KEAP1: variants seen among roughly 807,000 people sequenced by gnomAD.
KEAP1 encodes the protein kelch like ECH associated protein 1, also known as kelch-like ECH-associated protein 1.
Under a neutral mutation model 59.7 loss-of-function variants are expected in KEAP1, and 26 were observed. The ratio of observed to expected loss-of-function variants is 0.44; its 90% CI spans 0.32 to 0.60. The LOEUF (loss-of-function observed/expected upper bound fraction) is 0.60. KEAP1 is among the 20% of genes least tolerant of loss of function. The probability of loss-of-function intolerance (pLI) is 0.06; values close to 1 mark genes in which losing one functional copy is unlikely to be tolerated. For synonymous variants in KEAP1, 350 were observed against 358.3 expected, an observed-to-expected ratio of 0.98 and a Z score of 0.26; for missense variants, 539 against 871.4, an observed-to-expected ratio of 0.62 and a Z score of 4.80.
In KEAP1 at chr19:10,502,749, C is replaced by A. The variant is rs1249952682; in HGVS notation, c.-48+492G>T. 1 of 152,064 alleles carries A rather than the reference C, an allele frequency of 6.6e-6. No individual in the cohort carries two copies. The highest frequency in any genetic ancestry group is 1.5e-5 in the Non-Finnish European group (1 of 68,012). 9.4% of individuals were successfully genotyped at this position (152,064 alleles called of 1,614,324 possible). Reference sequence around the variant, plus strand: ...CTCCACCGCCCGAGCCCCGGCGCCTCCATCGCTGCGCGTGGGGGAGGCGCG... The same window carrying A: ...CTCCACCGCCCGAGCCCCGGCGCCTACATCGCTGCGCGTGGGGGAGGCGCG... On this transcript the variant is annotated intron_variant, in intron 1 of 5. Transcript: ENST00000171111. This position sits in a 1 kb window ranked among gnomAD's most constrained non-coding sequence, Gnocchi z 4.0.
chr19:10,487,254 G>A (rs1369851823), intron 5 of KEAP1, among the ~76,000 whole-genome samples: 1 of 152,106 alleles, frequency 6.6e-6, no homozygotes, highest in Non-Finnish European at 1.5e-5. Flanking sequence ...GCTGAGGTGG[G>A]GAGGATCAGT....
chr19:10,489,014 G>C (rs1315966005), intron 5 of KEAP1, among the ~76,000 whole-genome samples, 178 bp downstream of exon 5: 1 of 149,434 alleles, frequency 6.7e-6, no homozygotes, highest in Non-Finnish European at 1.5e-5. Flanking sequence ...AGGATGGCTG[G>C]AGCCCAGGCT....
In KEAP1 at chr19:10,499,471, G is replaced by C. The variant is rs780645001; in HGVS notation, c.563C>G (p.Ala188Gly). Residue 188 changes from alanine (A) to glycine (G), a missense_variant, in exon 2 of 6, where the codon GCC becomes GGC. Physicochemically the swap from Ala to Gly is moderately conservative, Grantham distance 60 (BLOSUM62 0). Transcript: ENST00000171111. The surrounding 1 kb of genome is among the most constrained non-coding windows in gnomAD (Gnocchi z 6.7). Reference protein sequence around the residue: ...QLDPSNAIGIANFAEQIGCVE... With the variant: ...QLDPSNAIGIGNFAEQIGCVE... ...ACAGCCAATCTGCTCAGCGAAGTTGGCGATGCCGATGGCATTGCTGGGGTC... is the reference window on the plus strand; with the variant it reads ...ACAGCCAATCTGCTCAGCGAAGTTGCCGATGCCGATGGCATTGCTGGGGTC... 5 of 1,614,142 alleles carry C rather than the reference G, an allele frequency of 3.1e-6. No homozygotes were observed. The highest frequency in any genetic ancestry group is 4.2e-6 in the Non-Finnish European group (5 of 1,180,036).
chr19:10,493,992 A>G (rs1914766207), intron 2 of KEAP1, among the ~76,000 whole-genome samples: 1 of 151,826 alleles, frequency 6.6e-6, no homozygotes, highest in South Asian at 2.1e-4. Context: ...CCTAGGCTGT[A>G]GTGCAGTGGC....
chr19:10,500,118 G>A (rs2144632453), intron 1 of KEAP1, 38 bp from the exon 2 acceptor site: 1 of 1,418,640 alleles, frequency 7.0e-7, no homozygotes, highest in African/African-American at 1.4e-5. Flanking sequence ...GGCAGGGGTT[G>A]GGACTGGGCC....
chr19:10,493,161 ATTTT>A (rs35058318), intron 2 of KEAP1, among the ~76,000 whole-genome samples: 1 of 129,086 alleles, frequency 7.7e-6, no homozygotes, highest in Non-Finnish European at 1.7e-5. Flanking sequence ...AGAGCAGCTA[ATTTT>A]TTTTTTTTTT....
Position 10,486,495 on chromosome 19 carries a change from T to C in KEAP1, c.*157A>G. 1 of 764,196 alleles carries C rather than the reference T, an allele frequency of 1.3e-6. No individual in the cohort carries two copies. Among genetic ancestry groups the C allele is most frequent in the Non-Finnish European group, 2.2e-6 (1 of 459,994 alleles). 47.3% of individuals were successfully genotyped at this position (764,196 alleles called of 1,614,324 possible). On this transcript the variant is annotated 3_prime_UTR_variant, in exon 6 of 6. Transcript: ENST00000171111. ...GGGGCACATGATTCCCGCTTTGGACTTCTTTTGAGATGTCATTTTAACACT... is the reference window on the plus strand; with the variant it reads ...GGGGCACATGATTCCCGCTTTGGACCTCTTTTGAGATGTCATTTTAACACT...
At chr19:10,489,094 TAA>T (rs33966407) in intron 5 of KEAP1, 96 bp downstream of exon 5, 96,430 of 416,862 alleles carry the variant, frequency 0.23, 4,149 homozygotes, top group African/African-American at 0.33. Flanking sequence ...ACCTTGTTTC[TAA>T]AAAAAAAAAA....
At chr19:10,492,668 T>C (rs1914714713) in intron 2 of KEAP1, 1 of 191,390 alleles carries the variant, frequency 5.2e-6, no homozygotes, top group Admixed American at 5.6e-5. Context: ...GAGGTTGCAG[T>C]GAGCCGATAT....
Position 10,491,681 on chromosome 19 carries a change from G to A in KEAP1, c.1221C>T (p.Ala407=), listed in dbSNP as rs769316486. ...TGCGGTTACGGGGCACGCTCATGGG[G>A]GCGCAGGGCGACCACTGATTGGTCA... ...NPMTNQWSPC[A]PMSVPRNRIG... Residue 407 remains alanine, a synonymous_variant, in exon 3 of 6, where the codon GCC becomes GCT. Transcript: ENST00000171111. This position sits in a 1 kb window ranked among gnomAD's most constrained non-coding sequence, Gnocchi z 5.2. 1.1e-5 allele frequency: 18 copies of A among 1,578,974 alleles called. No homozygotes were observed. Among genetic ancestry groups the A allele is most frequent in the Non-Finnish European group, 1.5e-5 (18 of 1,163,374 alleles).
At position 10,489,257 on chromosome 19, in the gene KEAP1, G is replaced by A. The variant is rs763864605; in HGVS notation, c.1643C>T (p.Ala548Val). 2.5e-6 allele frequency: 4 copies of A among 1,613,144 alleles called. No homozygotes were observed. In the South Asian group the frequency reaches 4.4e-5, roughly 18 times the overall value. The change falls in exon 5 of 6, where the codon GCC (alanine) becomes GTC (valine). Residue 548 changes from alanine to valine, a missense_variant. Around this residue, in one of 4 missense-constraint regions of KEAP1, gnomAD observed 311 missense variants for 425.2 expected, o/e 0.73. Transcript: ENST00000171111. ...GGCACTTCGCCGGTGCTTCATGGGGGCTACGAAAGTCCACGTCTCTGTTTC... is the reference window on the plus strand; with the variant it reads ...GGCACTTCGCCGGTGCTTCATGGGGACTACGAAAGTCCACGTCTCTGTTTC... Reference protein sequence around the residue: ...DVETETWTFVAPMKHRRSALG... With the variant: ...DVETETWTFVVPMKHRRSALG...
chr19:10,500,207 A>G, intron 1 of KEAP1, 127 bp from the exon 2 acceptor site: 3 of 692,982 alleles, frequency 4.3e-6, no homozygotes, highest in Non-Finnish European at 7.0e-6. Context: ...AGCAGAATCC[A>G]TTTGCAAACT....
chr19:10,488,296 A>G, intron 5 of KEAP1, among the ~76,000 whole-genome samples: 1 of 152,052 alleles, frequency 6.6e-6, no homozygotes, highest in South Asian at 2.1e-4. Context: ...TCAAAAAAAT[A>G]AAATAAAATA....
At chr19:10,490,690 C>A (rs1356882071) in intron 3 of KEAP1, 1 of 152,124 alleles carries the variant, frequency 6.6e-6, no homozygotes, top group African/African-American at 2.4e-5. Context: ...AGGTGCACAC[C>A]ACCGTGCCCA....
intron 2 of KEAP1, 65 bp from the exon 3 acceptor site, chr19:10,492,327 C>T (rs1914703451): frequency 1.6e-6 from 2 of 1,262,120 alleles, no homozygotes; most frequent in Non-Finnish European, 2.3e-6. Flanking sequence ...CAAGCAGGAC[C>T]GGGACAAGTA....
rs972434752 is a variant in KEAP1 at position 10,501,573 on chromosome 19, T to G, written c.-47-1493A>C. 2.7e-5 allele frequency among the ~76,000 whole-genome samples: 4 copies of G among 147,784 alleles called. No individual in the cohort carries two copies. In the East Asian group the frequency reaches 8.9e-4, roughly 33 times the overall value. On this transcript the variant is annotated intron_variant, in intron 1 of 5. Transcript: ENST00000171111. The stretch of plus-strand genomic sequence containing the variant: ...TGAACCCAGGAAGCAGAGCTTGCAG[T>G]GAGCCGAGATCGCACCACTGCATTC...
At chr19:10,501,759 G>C (rs928329252) in intron 1 of KEAP1, among the ~76,000 whole-genome samples, 1 of 151,956 alleles carries the variant, frequency 6.6e-6, no homozygotes, top group African/African-American at 2.4e-5. Context: ...GTTGGCCAGG[G>C]TGGTCTCAAC....
chr19:10,495,142 A>G (rs542764187), intron 2 of KEAP1, among the ~76,000 whole-genome samples: 2 of 151,692 alleles, frequency 1.3e-5, no homozygotes, highest in African/African-American at 2.4e-5. Flanking sequence ...TTGTATTTTT[A>G]GTAGAGATGG....
intron 2 of KEAP1, among the ~76,000 whole-genome samples, chr19:10,493,970 T>C (rs1914765686): frequency 6.6e-6 from 1 of 151,200 alleles, no homozygotes; most frequent in African/African-American, 2.4e-5. Context: ...GAGACACAGT[T>C]TTGCTCTGTC....
Sources: gnomAD v4.1 joint callset for allele counts (sites outside exome capture counted in the v4.1 genomes callset) on GRCh38, gnomAD v4.1.1 for gene constraint, gnomAD v4.1.1 regional missense constraint, Gnocchi (gnomAD v3.1) non-coding constraint, MANE v1.5 for transcripts, NCBI Gene and HGNC (gene_info 2026-07-23, HGNC 2026-07-21) for gene names.